IMMP2L: variants seen among roughly 807,000 people sequenced by gnomAD.
IMMP2L encodes inner mitochondrial membrane peptidase subunit 2, also known as mitochondrial inner membrane protease subunit 2.
Under a neutral mutation model 19.3 loss-of-function variants are expected in IMMP2L, and 18 were observed. The ratio of observed to expected loss-of-function variants is 0.93; its 90% CI spans 0.64 to 1.38. The LOEUF (loss-of-function observed/expected upper bound fraction) is 1.38, where lower values mean the gene tolerates loss of function less well. IMMP2L is among the 40% of genes most tolerant of loss of function. The pLI is 0.00. For missense variants in IMMP2L, 233 were observed against 218.2 expected, an observed-to-expected ratio of 1.07 and a Z score of -0.43; for synonymous variants, 76 against 73.0, an observed-to-expected ratio of 1.04 and a Z score of -0.21.
chr7:111,385,848 C>T (rs879107507), intron 3 of IMMP2L, among the ~76,000 whole-genome samples: 2 of 152,084 alleles, frequency 1.3e-5, no homozygotes, highest in Admixed American at 1.3e-4. Context: ...TTACCCTCTA[C>T]TAATCAGAAA....
At chr7:110,722,223 G>A (rs998151105) in intron 5 of IMMP2L, among the ~76,000 whole-genome samples, 1 of 152,054 alleles carries the variant, frequency 6.6e-6, no homozygotes, top group Admixed American at 6.6e-5. Context: ...TGAGTAATGG[G>A]ATGTAATAAT....
chr7:111,201,526 G>A (rs1044113061), intron 3 of IMMP2L, among the ~76,000 whole-genome samples: 2 of 151,874 alleles, frequency 1.3e-5, no homozygotes, highest in African/African-American at 4.8e-5. Context: ...GATCAGCCTG[G>A]GCAATCTGGT....
intron 3 of IMMP2L, among the ~76,000 whole-genome samples, chr7:111,428,594 A>G (rs901826453): frequency 1.4e-5 from 2 of 147,196 alleles, no homozygotes; most frequent in Non-Finnish European, 2.9e-5. Flanking sequence ...TCAAGTGTCT[A>G]TCAATTTTAC....
chr7:111,072,703 G>A (rs1360425859), intron 3 of IMMP2L, among the ~76,000 whole-genome samples: 1 of 152,124 alleles, frequency 6.6e-6, no homozygotes, highest in Non-Finnish European at 1.5e-5. Flanking sequence ...AGACCACCCT[G>A]ATTAACACAG....
chr7:111,250,764 TA>T (rs1816012430), intron 3 of IMMP2L, among the ~76,000 whole-genome samples: 1 of 152,118 alleles, frequency 6.6e-6, no homozygotes, highest in Non-Finnish European at 1.5e-5. Context: ...CAAGATGGAT[TA>T]AAGACTTAAA....
intron 5 of IMMP2L, among the ~76,000 whole-genome samples, chr7:110,802,162 C>T (rs1801297200): frequency 6.6e-6 from 1 of 152,030 alleles, no homozygotes; most frequent in South Asian, 2.1e-4. Flanking sequence ...AATCCTTGGT[C>T]TACCCTAGCA....
At chr7:111,368,314 C>T (rs1448402129) in intron 3 of IMMP2L, among the ~76,000 whole-genome samples, 2 of 151,814 alleles carry the variant, frequency 1.3e-5, no homozygotes, top group Non-Finnish European at 2.9e-5. Flanking sequence ...ACATGTTCTC[C>T]ATTATGGAAA....
At chr7:110,915,699 A>G (rs1740089220) in intron 4 of IMMP2L, among the ~76,000 whole-genome samples, 1 of 152,228 alleles carries the variant, frequency 6.6e-6, no homozygotes. Flanking sequence ...ATCAATATAC[A>G]ACATGTATGT....
At chr7:111,070,393 G>A (rs533074531) in intron 3 of IMMP2L, among the ~76,000 whole-genome samples, 3 of 152,094 alleles carry the variant, frequency 2.0e-5, no homozygotes, top group East Asian at 1.9e-4. Context: ...TTCAGTCCAC[G>A]AATTCTATTA....
intron 2 of IMMP2L, among the ~76,000 whole-genome samples, chr7:111,515,598 C>T (rs1034511886): frequency 2.0e-4 from 30 of 152,056 alleles, no homozygotes; most frequent in African/African-American, 7.0e-4. Context: ...CCCTTGCTTC[C>T]CTGCAAGTTA....
intron 3 of IMMP2L, among the ~76,000 whole-genome samples, chr7:111,454,200 G>A (rs1034149119): frequency 2.0e-5 from 3 of 151,996 alleles, no homozygotes; most frequent in Non-Finnish European, 4.4e-5. Context: ...TGATGCGATC[G>A]CAACTAACTG....
At chr7:110,883,331 C>T (rs1344671767) in intron 5 of IMMP2L, among the ~76,000 whole-genome samples, 3 of 152,098 alleles carry the variant, frequency 2.0e-5, no homozygotes, top group Non-Finnish European at 4.4e-5. Flanking sequence ...AATAATAGTT[C>T]TAATGCTCAT....
At position 110,730,718 on chromosome 7, in the gene IMMP2L, G is replaced by A. The variant is rs58905358; in HGVS notation, c.409-66997C>T. Among the ~76,000 whole-genome samples, 57 of 152,054 alleles carry A rather than the reference G, an allele frequency of 3.7e-4. 2 individuals are homozygous for A. The East Asian group carries it at 0.011, about 29-fold the overall frequency. ...TTTTTTGTATTTTCAGTAGAGACGG[G>A]GTTTCACCGTTTTAGCCAGGATGTT... On this transcript the variant is annotated intron_variant, in intron 5 of 5. Transcript: ENST00000405709.
chr7:110,794,176 T>G (rs1173007708), intron 5 of IMMP2L, among the ~76,000 whole-genome samples: 1 of 152,142 alleles, frequency 6.6e-6, no homozygotes, highest in Non-Finnish European at 1.5e-5. Flanking sequence ...TGAAAACTTA[T>G]GTCCACACCA....
intron 3 of IMMP2L, among the ~76,000 whole-genome samples, chr7:111,361,915 AT>A (rs372237241): frequency 4.0e-4 from 61 of 152,044 alleles, no homozygotes; most frequent in East Asian, 2.7e-3. Context: ...AATAGTCTTC[AT>A]TTTTTTTCTC....
chr7:111,326,339 G>A (rs981401075), intron 3 of IMMP2L, among the ~76,000 whole-genome samples: 6 of 151,626 alleles, frequency 4.0e-5, no homozygotes, highest in African/African-American at 1.5e-4. Context: ...AAAAGTTTTT[G>A]ATCAATACCA....
chr7:110,839,700 A>G (rs1804868617), intron 5 of IMMP2L, among the ~76,000 whole-genome samples: 1 of 152,146 alleles, frequency 6.6e-6, no homozygotes, highest in African/African-American at 2.4e-5. Context: ...TTAAGCAGAT[A>G]TATCTACCAA....
intron 5 of IMMP2L, among the ~76,000 whole-genome samples, chr7:110,665,403 G>A (rs770012555): frequency 4.6e-5 from 7 of 152,080 alleles, no homozygotes; most frequent in Non-Finnish European, 1.0e-4. Context: ...TTTCATATAT[G>A]AACATGATAC....
intron 3 of IMMP2L, among the ~76,000 whole-genome samples, chr7:111,224,784 A>T (rs1257259602): frequency 6.6e-6 from 1 of 152,154 alleles, no homozygotes; most frequent in Non-Finnish European, 1.5e-5. Flanking sequence ...GAGAACTGCT[A>T]GCAGCTTAGC....
Sources: allele counts gnomAD v4.1 joint callset (sites outside exome capture counted in the v4.1 genomes callset), GRCh38; gene constraint gnomAD v4.1.1; transcripts MANE v1.5; gene names NCBI Gene and HGNC (gene_info 2026-07-23, HGNC 2026-07-21).